Variants in MCC observed in about 807,000 individuals in gnomAD.
MCC encodes the protein MCC regulator of Wnt signaling pathway.
MCC carries 90 observed loss-of-function variants against 116.2 expected under a neutral mutation model. That is an observed-to-expected ratio of 0.77 (90% CI 0.65 to 0.92). MCC has a LOEUF of 0.92. MCC is among the 40% of genes least tolerant of loss of function. The pLI is 0.00. For missense variants in MCC, 1,516 were observed against 1,312.2 expected, an observed-to-expected ratio of 1.16 and a Z score of -2.40; for synonymous variants, 578 against 510.5, an observed-to-expected ratio of 1.13 and a Z score of -1.78.
At chr5:113,257,697 G>A (rs1765072291) in intron 3 of MCC, among the ~76,000 whole-genome samples, 1 of 152,130 alleles carries the variant, frequency 6.6e-6, no homozygotes, top group African/African-American at 2.4e-5. Context: ...TGCACAAATG[G>A]ATATGCATGG....
chr5:113,432,571 AT>A (rs1770692139), intron 1 of MCC: 1 of 152,232 alleles, frequency 6.6e-6, no homozygotes, highest in South Asian at 2.1e-4. Context: ...TATTATTCTC[AT>A]TTTATAGATA....
intron 7 of MCC, among the ~76,000 whole-genome samples, chr5:113,103,445 C>A (rs541779414): frequency 9.2e-5 from 14 of 152,304 alleles, no homozygotes; most frequent in Admixed American, 9.1e-4. Flanking sequence ...AAAGAAACAC[C>A]AGCAATTGCT....
At chr5:113,377,091 G>A (rs1462265638) in intron 2 of MCC, among the ~76,000 whole-genome samples, 5 of 152,170 alleles carry the variant, frequency 3.3e-5, no homozygotes, top group Admixed American at 6.5e-5. Flanking sequence ...CACAGCAGAA[G>A]GAAGGCTGAT....
intron 5 of MCC, among the ~76,000 whole-genome samples, chr5:113,133,850 TTTTGAATACTTTTTCATTTACCTG>T (rs1198926109): frequency 6.6e-6 from 1 of 152,224 alleles, no homozygotes; most frequent in Non-Finnish European, 1.5e-5. Context: ...CTCATTGTGA[TTTTGAATACTTTTTCATTTACCTG>T]TTGGCCATTT....
Position 113,264,623 on chromosome 5 carries a change from CAT to C in MCC, c.627+75894_627+75895del, listed in dbSNP as rs553517633. On this transcript the variant is annotated intron_variant, in intron 3 of 18. Coordinates refer to ENST00000408903, the MANE Select transcript of MCC (RefSeq NM_001085377.2). ...CAGCCCATGGGCCAAATTCACCTGC[CAT>C]ATGTTTTTGTAGAGCCTACAAGGTA... is the stretch of plus-strand genomic sequence containing the variant. Among the ~76,000 whole-genome samples the C allele has an allele frequency of 1.6e-4, 25 of 152,234 alleles. No individual in the cohort carries two copies. In the South Asian group the frequency reaches 4.6e-3, roughly 28 times the overall value.
intron 1 of MCC, among the ~76,000 whole-genome samples, chr5:113,429,063 G>T (rs540808627): frequency 3.9e-5 from 6 of 152,276 alleles, no homozygotes; most frequent in African/African-American, 1.4e-4. Flanking sequence ...CTTCACCGAA[G>T]AAATAGGACA....
chr5:113,284,053 G>A (rs1341434829), intron 3 of MCC, among the ~76,000 whole-genome samples: 1 of 152,136 alleles, frequency 6.6e-6, no homozygotes, highest in Admixed American at 6.5e-5. Flanking sequence ...TATAATACAT[G>A]TATCATATAA....
At chr5:113,245,402 TG>T (rs1209992756) in intron 3 of MCC, among the ~76,000 whole-genome samples, 2 of 152,024 alleles carry the variant, frequency 1.3e-5, no homozygotes, top group Non-Finnish European at 2.9e-5. Context: ...CCAAGTCATC[TG>T]TTTTTTTTTA....
intron 1 of MCC, among the ~76,000 whole-genome samples, chr5:113,482,337 C>T (rs966320794): frequency 2.6e-5 from 4 of 152,188 alleles, no homozygotes; most frequent in Admixed American, 2.6e-4. Flanking sequence ...AATTGCTAGA[C>T]TGTTTTCCAA....
intron 3 of MCC, among the ~76,000 whole-genome samples, chr5:113,194,138 C>A (rs887649044): frequency 6.6e-6 from 1 of 152,132 alleles, no homozygotes; most frequent in African/African-American, 2.4e-5. Flanking sequence ...ATCGTCTAGT[C>A]CTGTGATTGG....
At position 113,384,416 on chromosome 5, in the gene MCC, G is replaced by A. The variant is rs546197815; in HGVS notation, c.415+552C>T. Among the ~76,000 whole-genome samples the A allele has an allele frequency of 5.3e-5, 8 of 152,194 alleles. No homozygotes were observed. In the East Asian group the frequency reaches 9.7e-4, roughly 18 times the overall value. On this transcript the variant is annotated intron_variant, in intron 2 of 18. Coordinates refer to ENST00000408903, the MANE Select transcript of MCC (RefSeq NM_001085377.2). ...ATCCTGGCTAATACGGTGAAACCCCGTCTCTACTAAAAATACAAAAAATTA... is the reference window on the plus strand; with the variant it reads ...ATCCTGGCTAATACGGTGAAACCCCATCTCTACTAAAAATACAAAAAATTA...
intron 3 of MCC, among the ~76,000 whole-genome samples, chr5:113,190,556 C>T (rs988674507): frequency 6.6e-6 from 1 of 152,080 alleles, no homozygotes; most frequent in Non-Finnish European, 1.5e-5. Flanking sequence ...TCCTGAATCA[C>T]AGCTAAAGAA....
intron 1 of MCC, among the ~76,000 whole-genome samples, chr5:113,405,910 T>A (rs1030142065): frequency 6.6e-6 from 1 of 152,234 alleles, no homozygotes; most frequent in African/African-American, 2.4e-5. Flanking sequence ...TACATTTTCC[T>A]TTTGAGCATC....
chr5:113,160,997 CAG>C (rs1760452311), intron 3 of MCC, among the ~76,000 whole-genome samples: 1 of 151,988 alleles, frequency 6.6e-6, no homozygotes, highest in Non-Finnish European at 1.5e-5. Flanking sequence ...AAAATCTAAA[CAG>C]AAGAATATTT....
rs977750123 is a variant in MCC at position 113,028,824 on chromosome 5, T to G, written c.2879+110A>C. The G allele has an allele frequency of 2.2e-5, 29 of 1,321,330 alleles. No homozygotes were observed. The African/African-American group carries it at 3.7e-4, about 17-fold the overall frequency. The allele number at this position is 1,321,330 out of a possible 1,614,324, so 81.9% of individuals were successfully genotyped here. On this transcript the variant is annotated intron_variant, in intron 18 of 18. Transcript: ENST00000408903. ...GACTCACCCACTTTCTAGAGTTAGT[T>G]CTTAAGAGTTAGGGAAATGTCCATC...
At chr5:113,139,414 C>T (rs375941439) in intron 5 of MCC, among the ~76,000 whole-genome samples, 6 of 152,110 alleles carry the variant, frequency 3.9e-5, no homozygotes, top group South Asian at 2.1e-4. Flanking sequence ...TCAATAAAGT[C>T]GTCATCGGTC....
intron 4 of MCC, 59 bp downstream of exon 4, chr5:113,151,250 A>G: frequency 9.9e-7 from 1 of 1,008,064 alleles, no homozygotes; most frequent in Non-Finnish European, 1.5e-6. Context: ...TTTTATCTTA[A>G]GATTAAATAT....
intron 3 of MCC, among the ~76,000 whole-genome samples, chr5:113,270,555 G>A (rs1765572814): frequency 6.6e-6 from 1 of 150,862 alleles, no homozygotes; most frequent in Non-Finnish European, 1.5e-5. Flanking sequence ...ATAACAATGT[G>A]TCGTCCCCTT....
chr5:113,123,688 C>T (rs532652860), intron 5 of MCC, among the ~76,000 whole-genome samples: 23 of 152,292 alleles, frequency 1.5e-4, no homozygotes, highest in Non-Finnish European at 2.8e-4. Context: ...ACCATCACCA[C>T]ACATACACTG....
Sources: allele counts gnomAD v4.1 joint callset (sites outside exome capture counted in the v4.1 genomes callset), GRCh38; gene constraint gnomAD v4.1.1; transcripts MANE v1.5; gene names NCBI Gene and HGNC (gene_info 2026-07-23, HGNC 2026-07-21).